Variants in PGM5 observed in about 807,000 individuals in gnomAD.
PGM5 encodes the protein phosphoglucomutase-like protein 5.
PGM5 carries 23 observed loss-of-function variants against 59.2 expected under a neutral mutation model. The ratio of observed to expected loss-of-function variants is 0.39; its 90% CI spans 0.28 to 0.55. The LOEUF is 0.55. PGM5 is among the 20% of genes least tolerant of loss of function. PGM5 has a pLI of 0.66. For missense variants in PGM5, 574 were observed against 748.3 expected, an observed-to-expected ratio of 0.77 and a Z score of 2.72; for synonymous variants, 214 against 286.0, an observed-to-expected ratio of 0.75 and a Z score of 2.54.
At chr9:68,452,370 A>G (rs4745015) in intron 6 of PGM5, among the ~76,000 whole-genome samples, 96,718 of 152,058 alleles carry the variant, frequency 0.64, 30,917 homozygotes, top group East Asian at 0.93. Flanking sequence ...GCAGACCAAC[A>G]TGGCCCTTGC....
At position 68,357,013 on chromosome 9, in the gene PGM5, G is replaced by C. The variant is rs1285993194; in HGVS notation, c.-115G>C. The C allele has an allele frequency of 1.8e-6, 2 of 1,142,414 alleles. No homozygotes were observed. Among genetic ancestry groups the C allele is most frequent in the Admixed American group, 7.8e-5 (2 of 25,698 alleles). 70.8% of individuals were successfully genotyped at this position (1,142,414 alleles called of 1,614,324 possible). On this transcript the variant is annotated 5_prime_UTR_variant, in exon 1 of 11. Coordinates refer to ENST00000396396, the MANE Select transcript of PGM5 (RefSeq NM_021965.4). Reference sequence around the variant, plus strand: ...GCGCAGGGCGCCGACCTGCTGGAGAGGGGGCCCGGGCGCGAGGCGGAGTCC... The same window carrying C: ...GCGCAGGGCGCCGACCTGCTGGAGACGGGGCCCGGGCGCGAGGCGGAGTCC...
chr9:68,494,401 G>A (rs1824449341), intron 9 of PGM5, among the ~76,000 whole-genome samples: 1 of 152,148 alleles, frequency 6.6e-6, no homozygotes, highest in Non-Finnish European at 1.5e-5. Context: ...AAATCCTAAA[G>A]GGACCTTCCT....
intron 6 of PGM5, among the ~76,000 whole-genome samples, chr9:68,417,130 T>C (rs1823046541): frequency 6.6e-6 from 1 of 152,238 alleles, no homozygotes; most frequent in South Asian, 2.1e-4. Context: ...CTGAATCGGA[T>C]ACGGGCCTAC....
chr9:68,422,923 GC>G (rs1417496611), intron 6 of PGM5, among the ~76,000 whole-genome samples: 1 of 151,998 alleles, frequency 6.6e-6, no homozygotes, highest in African/African-American at 2.4e-5. Context: ...TCATTCTTAT[GC>G]CTTTGCATCC....
At chr9:68,478,195 C>T (rs1202674439) in intron 7 of PGM5, among the ~76,000 whole-genome samples, 1 of 152,242 alleles carries the variant, frequency 6.6e-6, no homozygotes, top group Non-Finnish European at 1.5e-5. Context: ...CTGTGACACA[C>T]TCTTCTGGGT....
chr9:68,431,668 G>A (rs1823351955), intron 6 of PGM5, among the ~76,000 whole-genome samples: 1 of 152,122 alleles, frequency 6.6e-6, no homozygotes, highest in Non-Finnish European at 1.5e-5. Context: ...TCTTATAACA[G>A]CTAGAAGGGC....
intron 6 of PGM5, among the ~76,000 whole-genome samples, chr9:68,402,915 C>CTAT (rs1415811027): frequency 1.3e-5 from 2 of 152,158 alleles, no homozygotes; most frequent in African/African-American, 4.8e-5. Context: ...TGAGCTGGGT[C>CTAT]TATTGAAATA....
intron 10 of PGM5, among the ~76,000 whole-genome samples, chr9:68,504,650 CA>C (rs1824627870): frequency 6.6e-6 from 1 of 152,144 alleles, no homozygotes; most frequent in Non-Finnish European, 1.5e-5. Flanking sequence ...CCCTCACATG[CA>C]GGTACTTCTT....
chr9:68,414,899 G>T (rs1293129251), intron 6 of PGM5, among the ~76,000 whole-genome samples: 2 of 145,638 alleles, frequency 1.4e-5, no homozygotes, highest in Non-Finnish European at 3.0e-5. Flanking sequence ...TCAGTAGAAG[G>T]GTGTGAGGCA....
rs541486729 is a variant in PGM5, at chr9:68,494,035, T to C, written c.1480-5192T>C. 7.9e-5 allele frequency among the ~76,000 whole-genome samples: 12 copies of C among 152,286 alleles called. No homozygotes were observed. The East Asian group carries it at 2.3e-3, about 29-fold the overall frequency. On this transcript the variant is annotated intron_variant, in intron 9 of 10. Transcript: ENST00000396396. ...ACTAAGCTGGAACTGAAGTGCTCTTTTGATACCCACACTCCTCCCCACCAC... is the reference window on the plus strand; with the variant it reads ...ACTAAGCTGGAACTGAAGTGCTCTTCTGATACCCACACTCCTCCCCACCAC...
At chr9:68,499,498 C>T (rs1824537788) in intron 10 of PGM5, 137 bp downstream of exon 10, 2 of 841,380 alleles carry the variant, frequency 2.4e-6, no homozygotes, top group Non-Finnish European at 3.6e-6. Context: ...AAGCTCAGGG[C>T]AACTCCAAGC....
chr9:68,507,501 T>TA (rs1824676327), intron 10 of PGM5, among the ~76,000 whole-genome samples: 1 of 152,224 alleles, frequency 6.6e-6, no homozygotes, highest in South Asian at 2.1e-4. Context: ...CAAATAATTT[T>TA]AAAACAGGGG....
At chr9:68,462,335 C>G (rs890274462) in intron 6 of PGM5, among the ~76,000 whole-genome samples, 1 of 152,126 alleles carries the variant, frequency 6.6e-6, no homozygotes, top group Admixed American at 6.6e-5. Context: ...GCCAAAAACC[C>G]ATCTAATGCA....
chr9:68,462,494 G>T (rs1023565727), intron 6 of PGM5, among the ~76,000 whole-genome samples: 1 of 152,138 alleles, frequency 6.6e-6, no homozygotes, highest in African/African-American at 2.4e-5. Flanking sequence ...GGCTTGGATA[G>T]CTGCAACTGT....
At chr9:68,411,292 A>T (rs529154015) in intron 6 of PGM5, among the ~76,000 whole-genome samples, 1 of 152,094 alleles carries the variant, frequency 6.6e-6, no homozygotes, top group Non-Finnish European at 1.5e-5. Context: ...CCAGAGGCTG[A>T]GGCTGGAGGA....
intron 6 of PGM5, among the ~76,000 whole-genome samples, chr9:68,446,690 T>C (rs1236380850): frequency 6.6e-6 from 1 of 152,218 alleles, no homozygotes; most frequent in African/African-American, 2.4e-5. Flanking sequence ...AATACTGGGG[T>C]GGAGAAGCTC....
At chr9:68,423,549 A>G (rs1823180632) in intron 6 of PGM5, among the ~76,000 whole-genome samples, 2 of 152,184 alleles carry the variant, frequency 1.3e-5, no homozygotes, top group South Asian at 4.1e-4. Context: ...AATGGCATGC[A>G]GAGCTGACAT....
At chr9:68,526,314 G>C (rs1824973430) in intron 10 of PGM5, among the ~76,000 whole-genome samples, 1 of 152,214 alleles carries the variant, frequency 6.6e-6, no homozygotes, top group Non-Finnish European at 1.5e-5. Context: ...GATTAGCCCA[G>C]GCTCTTGGCT....
chr9:68,385,515 T>C (rs1212769148), intron 3 of PGM5, among the ~76,000 whole-genome samples: 1 of 152,070 alleles, frequency 6.6e-6, no homozygotes, highest in Admixed American at 6.6e-5. Flanking sequence ...TTTGAGTCAG[T>C]TGTTTGCTTA....
Sources: gnomAD v4.1 joint callset for allele counts (sites outside exome capture counted in the v4.1 genomes callset) on GRCh38, gnomAD v4.1.1 for gene constraint, MANE v1.5 for transcripts, NCBI Gene and HGNC (gene_info 2026-07-23, HGNC 2026-07-21) for gene names.